RIPOR2: variants seen among roughly 807,000 people sequenced by gnomAD.
RIPOR2 encodes the protein RHO family interacting cell polarization regulator 2.
In RIPOR2, 39 loss-of-function variants were observed where a neutral mutation model predicts 114.5. That is an observed-to-expected ratio of 0.34 (90% confidence interval 0.26 to 0.44). RIPOR2 has a LOEUF of 0.44. Among genes scored for constraint, RIPOR2 ranks in the 20% least tolerant of loss-of-function variants. RIPOR2 has a pLI of 1.00. For missense variants in RIPOR2, 1,007 were observed against 1,255.1 expected (o/e 0.80, Z 2.99); for synonymous variants, 445 against 484.4 (o/e 0.92, Z 1.07).
chr6:25,016,799 T>A (rs528070934), intron 1 of RIPOR2, among the ~76,000 whole-genome samples: 104 of 152,362 alleles, frequency 6.8e-4, no homozygotes, highest in African/African-American at 2.4e-3. Flanking sequence ...ATTAGAAAAA[T>A]TTATTAATTC....
chr6:24,947,306 C>T (rs1418533391), intron 1 of RIPOR2, among the ~76,000 whole-genome samples: 2 of 152,136 alleles, frequency 1.3e-5, no homozygotes, highest in Non-Finnish European at 2.9e-5. Context: ...TAACTCTGCT[C>T]TGTCAGGCAT....
chr6:24,828,090 C>A, intron 18 of RIPOR2, 47 bp downstream of exon 18: 1 of 1,448,838 alleles, frequency 6.9e-7, no homozygotes, highest in South Asian at 1.4e-5. Flanking sequence ...GCAGAGATAA[C>A]GCCAAATTGA....
At chr6:25,020,428 C>A (rs1421621171) in intron 1 of RIPOR2, among the ~76,000 whole-genome samples, 2 of 152,144 alleles carry the variant, frequency 1.3e-5, no homozygotes, top group African/African-American at 2.4e-5. Context: ...TAGGCTTCTC[C>A]AAGAGTAAAT....
At chr6:24,899,863 G>A (rs910701772) in intron 1 of RIPOR2, among the ~76,000 whole-genome samples, 8 of 152,152 alleles carry the variant, frequency 5.3e-5, no homozygotes, top group Admixed American at 2.6e-4. Flanking sequence ...CTGATATGGC[G>A]TTATTTATCA....
Position 24,873,752 on chromosome 6 carries a change from G to A in RIPOR2, c.236C>T (p.Ala79Val). ...ENSSALKKPQ[A>V]KLKKMHNLGH... ...TAAATTGTGCATTTTCTTCAGTTTG[G>A]CCTGAGGCTTCTTGAGAGCGGAGGA... The change falls in exon 3 of 22, where the codon GCC becomes GTC. Residue 79 changes from alanine to valine, a missense_variant. By Grantham distance (64) the Ala-to-Val change is moderately conservative (BLOSUM62 0). Transcript: ENST00000643898. 6.2e-7 allele frequency: 1 copy of A among 1,613,190 alleles called. No homozygotes were observed. The highest frequency in any genetic ancestry group is 8.5e-7 in the Non-Finnish European group (1 of 1,179,602).
At chr6:24,986,820 G>C (rs150221218) in intron 1 of RIPOR2, among the ~76,000 whole-genome samples, 94 of 152,232 alleles carry the variant, frequency 6.2e-4, no homozygotes, top group African/African-American at 2.1e-3. Flanking sequence ...TTTAGAGCAG[G>C]GGTGTCCAAT....
intron 1 of RIPOR2, among the ~76,000 whole-genome samples, chr6:24,912,769 C>T (rs891600521): frequency 1.3e-5 from 2 of 152,160 alleles, no homozygotes; most frequent in Non-Finnish European, 2.9e-5. Context: ...TATTTCCCCA[C>T]CTTCCCACTC....
chr6:24,932,373 C>T lies in RIPOR2; in HGVS notation c.61+3465G>A, dbSNP rs573592310. On this transcript the variant is annotated intron_variant, in intron 1 of 21. Coordinates refer to ENST00000643898, the MANE Select transcript of RIPOR2 (RefSeq NM_001286445.3). ...GAGAGAGAAAAAGAGAGAGAAGAAA[C>T]AGATGGAGAGACAGAGAGAGAACAG... 1.2e-4 allele frequency among the ~76,000 whole-genome samples: 18 copies of T among 151,632 alleles called. 1 individual carries two copies. In the East Asian group the frequency reaches 3.5e-3, roughly 29 times the overall value.
chr6:24,969,219 T>C (rs995064038), intron 1 of RIPOR2, among the ~76,000 whole-genome samples: 7 of 152,218 alleles, frequency 4.6e-5, no homozygotes, highest in Non-Finnish European at 8.8e-5. Flanking sequence ...ATGCCGTTAC[T>C]GTTATTCCAG....
chr6:24,818,523 C>G lies in RIPOR2; in HGVS notation c.2952+19G>C. 6.6e-7 allele frequency: 1 copy of G among 1,522,688 alleles called. No homozygotes were observed. Among genetic ancestry groups the G allele is most frequent in the Non-Finnish European group, 8.9e-7 (1 of 1,123,708 alleles). 94.3% of individuals were successfully genotyped at this position (1,522,688 alleles called of 1,614,324 possible). On this transcript the variant is annotated intron_variant, in intron 20 of 21. Coordinates refer to ENST00000643898, the MANE Select transcript of RIPOR2 (RefSeq NM_001286445.3). ...GCTCCAAGCTGAGCTGCCAGGGGAGCTCCAAGGCTGGGCTTTACCTCAAGG... is the reference window on the plus strand; with the variant it reads ...GCTCCAAGCTGAGCTGCCAGGGGAGGTCCAAGGCTGGGCTTTACCTCAAGG...
intron 1 of RIPOR2, among the ~76,000 whole-genome samples, chr6:24,997,782 C>G (rs1775110213): frequency 6.6e-6 from 1 of 152,190 alleles, no homozygotes; most frequent in Admixed American, 6.5e-5. Context: ...ACATTAAAGT[C>G]TGAGAAACAC....
chr6:24,964,491 A>C (rs976347885), intron 1 of RIPOR2, among the ~76,000 whole-genome samples: 13 of 152,110 alleles, frequency 8.5e-5, no homozygotes, highest in African/African-American at 3.1e-4. Flanking sequence ...TTTATTGCTG[A>C]GTATATTGTA....
rs111918700 is a variant in RIPOR2, at chr6:25,028,213, C to G, written c.76+13638G>C. ...TTCCAAATATCTCCTTAGCTGCCCT[C>G]AGACATCGCCAGCCCTTGTTCTGCC... On this transcript the variant is annotated intron_variant, in intron 1 of 13. Transcript: ENST00000510784. 2.1e-3 allele frequency among the ~76,000 whole-genome samples: 324 copies of G among 152,288 alleles called. 1 individual carries two copies. The highest frequency in any genetic ancestry group is 7.5e-3 in the African/African-American group (311 of 41,546).
rs575940670 is a variant in RIPOR2 at position 25,023,337 on chromosome 6, T to C, written c.76+18514A>G. ...ATGTTGATGAACCCGGTGGCATCAA[T>C]TGGCTCATAATCACCCTACACGTTC... On this transcript the variant is annotated intron_variant, in intron 1 of 13. Transcript: ENST00000510784. 3.1e-4 allele frequency: 245 copies of C among 790,720 alleles called. No individual in the cohort carries two copies. The African/African-American group carries it at 3.4e-3, about 11-fold the overall frequency. The allele number at this position is 790,720 out of a possible 1,614,324, so 49.0% of individuals were successfully genotyped here.
chr6:25,019,774 C>CAAAAAAAAAAAAAAAAA (rs34107737), intron 1 of RIPOR2, among the ~76,000 whole-genome samples: 5 of 53,118 alleles, frequency 9.4e-5, no homozygotes, highest in Non-Finnish European at 1.6e-4. Flanking sequence ...GACTCTGTCT[C>CAAAAAAAAAAAAAAAAA]AAAAAAAAAA....
At chr6:25,011,257 AT>A (rs1463514678) in intron 1 of RIPOR2, among the ~76,000 whole-genome samples, 1 of 152,164 alleles carries the variant, frequency 6.6e-6, no homozygotes, top group African/African-American at 2.4e-5. Flanking sequence ...CCACATATGT[AT>A]ATGTACATGT....
chr6:24,982,332 C>T (rs903625963), intron 1 of RIPOR2, among the ~76,000 whole-genome samples: 11 of 152,186 alleles, frequency 7.2e-5, no homozygotes, highest in African/African-American at 2.2e-4. Context: ...TTTAGTTCTG[C>T]TGTCTATTCA....
chr6:24,984,710 A>G (rs9295639), intron 1 of RIPOR2, among the ~76,000 whole-genome samples: 92,472 of 151,600 alleles, frequency 0.61, 28,293 homozygotes, highest in East Asian at 0.8. Flanking sequence ...CCCACAATAA[A>G]TGCTCAATAA....
chr6:24,895,139 G>A (rs577668773), intron 1 of RIPOR2, among the ~76,000 whole-genome samples: 8 of 152,130 alleles, frequency 5.3e-5, no homozygotes, highest in Admixed American at 4.6e-4. Flanking sequence ...TGCAACCTCC[G>A]CCTTCCAGGT....
Sources: gnomAD v4.1 joint callset for allele counts (sites outside exome capture counted in the v4.1 genomes callset) on GRCh38, gnomAD v4.1.1 for gene constraint, MANE v1.5 for transcripts, NCBI Gene and HGNC (gene_info 2026-07-23, HGNC 2026-07-21) for gene names.